The following PRKN variants were observed in gnomAD, a reference collection of about 807,000 sequenced individuals.
PRKN encodes parkin RBR E3 ubiquitin protein ligase.
Under a neutral mutation model 59.5 loss-of-function variants are expected in PRKN, and 56 were observed. The ratio of observed to expected loss-of-function variants is 0.94; its 90% CI spans 0.76 to 1.18. The LOEUF is 1.18. Ranked by LOEUF, PRKN falls within the 50% of genes most tolerant of loss-of-function variation. The probability of loss-of-function intolerance (pLI) is 0.00; values close to 1 mark genes in which losing one functional copy is unlikely to be tolerated. For synonymous variants in PRKN, 250 were observed against 222.1 expected (o/e 1.13, Z -1.12); for missense variants, 657 against 596.4 (o/e 1.10, Z -1.06).
chr6:162,050,053 C>T (rs1330581501), intron 5 of PRKN, among the ~76,000 whole-genome samples: 2 of 152,136 alleles, frequency 1.3e-5, no homozygotes, highest in African/African-American at 4.8e-5. Context: ...TATCTTCCTG[C>T]GTTACTAAAC....
At chr6:162,473,976 G>T (rs565950318) in intron 1 of PRKN, among the ~76,000 whole-genome samples, 9 of 152,118 alleles carry the variant, frequency 5.9e-5, no homozygotes, top group African/African-American at 2.2e-4. Context: ...GCTTTCCGGT[G>T]CAACATCCAT....
At chr6:162,543,217 C>G (rs1778992261) in intron 1 of PRKN, among the ~76,000 whole-genome samples, 1 of 152,042 alleles carries the variant, frequency 6.6e-6, no homozygotes, top group African/African-American at 2.4e-5. Context: ...GGACCAGGGC[C>G]AAAAATTGAG....
At chr6:162,321,278 T>C (rs1252687036) in intron 2 of PRKN, among the ~76,000 whole-genome samples, 2 of 151,930 alleles carry the variant, frequency 1.3e-5, no homozygotes, top group African/African-American at 4.8e-5. Context: ...TAGATGAAAT[T>C]TTACAATTCC....
At chr6:161,894,593 G>T (rs531925530) in intron 6 of PRKN, among the ~76,000 whole-genome samples, 1 of 152,236 alleles carries the variant, frequency 6.6e-6, no homozygotes, top group East Asian at 1.9e-4. Context: ...CGTTACTCAT[G>T]CATTTCTCCA....
At chr6:161,903,342 G>A (rs1778008889) in intron 6 of PRKN, among the ~76,000 whole-genome samples, 2 of 152,086 alleles carry the variant, frequency 1.3e-5, no homozygotes, top group South Asian at 4.1e-4. Context: ...TGTTTACCTC[G>A]GAGATCTGCT....
At chr6:162,105,864 T>G (rs751767274) in intron 4 of PRKN, among the ~76,000 whole-genome samples, 1 of 152,230 alleles carries the variant, frequency 6.6e-6, no homozygotes, top group African/African-American at 2.4e-5. Flanking sequence ...TGATATCTCC[T>G]ATAAACTCTG....
chr6:161,631,165 G>T (rs1295564448), intron 7 of PRKN, among the ~76,000 whole-genome samples: 2 of 152,174 alleles, frequency 1.3e-5, no homozygotes, highest in Non-Finnish European at 2.9e-5. Context: ...GCAGACAGGA[G>T]TGCCCACCAT....
intron 7 of PRKN, among the ~76,000 whole-genome samples, chr6:161,645,420 T>C (rs887459356): frequency 2.6e-5 from 4 of 152,218 alleles, no homozygotes; most frequent in African/African-American, 7.2e-5. Context: ...CATTTAATCA[T>C]TGGGATAAAT....
chr6:162,461,525 A>AAAAAG, intron 1 of PRKN, among the ~76,000 whole-genome samples: 1 of 147,514 alleles, frequency 6.8e-6, no homozygotes, highest in African/African-American at 2.5e-5. Context: ...AAAAAAAAAA[A>AAAAAG]AAAGAAAGAA....
At chr6:161,486,598 T>A (rs935740850) in intron 9 of PRKN, among the ~76,000 whole-genome samples, 4 of 152,214 alleles carry the variant, frequency 2.6e-5, no homozygotes, top group Non-Finnish European at 1.5e-5. Flanking sequence ...AAGCCTGCGT[T>A]CTTTTTGGTT....
chr6:161,869,405 T>C (rs530396531), intron 6 of PRKN, among the ~76,000 whole-genome samples: 1 of 147,312 alleles, frequency 6.8e-6, no homozygotes, highest in African/African-American at 2.7e-5. Flanking sequence ...TAAAATAAAA[T>C]AAAATAAAAG....
chr6:162,666,220 A>C (rs1455446027), intron 1 of PRKN, among the ~76,000 whole-genome samples: 1 of 152,150 alleles, frequency 6.6e-6, no homozygotes, highest in East Asian at 1.9e-4. Flanking sequence ...ATCATGTGAG[A>C]TACACTGTGG....
intron 1 of PRKN, among the ~76,000 whole-genome samples, chr6:162,622,883 T>C (rs906649216): frequency 2.6e-5 from 4 of 152,136 alleles, no homozygotes; most frequent in Non-Finnish European, 5.9e-5. Flanking sequence ...TGAACCTCCC[T>C]TTTTTACACG....
At chr6:161,572,411 CA>C (rs1315853396) in intron 7 of PRKN, among the ~76,000 whole-genome samples, 1 of 151,952 alleles carries the variant, frequency 6.6e-6, no homozygotes, top group Admixed American at 6.6e-5. Context: ...CCTGTAATCC[CA>C]GGACTTTGGG....
intron 4 of PRKN, among the ~76,000 whole-genome samples, chr6:162,199,753 A>C (rs1784641720): frequency 6.6e-6 from 1 of 152,172 alleles, no homozygotes; most frequent in South Asian, 2.1e-4. Flanking sequence ...AATGTTCATC[A>C]AAGTGAAACA....
chr6:162,176,803 C>T lies in PRKN; in HGVS notation c.534+24328G>A, dbSNP rs141754932. Among the ~76,000 whole-genome samples the T allele has an allele frequency of 1.2e-3, 189 of 152,234 alleles. 3 individuals are homozygous for T. The highest frequency in any genetic ancestry group is 4.3e-3 in the African/African-American group (179 of 41,562). On this transcript the variant is annotated intron_variant, in intron 4 of 11. Transcript: ENST00000366898. Reference sequence around the variant, plus strand: ...CTATCTGCCATAAATACGGCTTACACTGTGATTTGAAAACCCTACCTAATG... The same window carrying T: ...CTATCTGCCATAAATACGGCTTACATTGTGATTTGAAAACCCTACCTAATG...
intron 7 of PRKN, among the ~76,000 whole-genome samples, chr6:161,729,486 G>C (rs1003370829): frequency 6.6e-5 from 10 of 152,156 alleles, no homozygotes; most frequent in African/African-American, 2.4e-4. Context: ...TCTTCAGGTA[G>C]AGGAATAATC....
chr6:161,931,535 T>C (rs1232769332), intron 6 of PRKN, among the ~76,000 whole-genome samples: 1 of 152,108 alleles, frequency 6.6e-6, no homozygotes, highest in Non-Finnish European at 1.5e-5. Flanking sequence ...GCCTCCAAAA[T>C]TGTAAAAAGT....
chr6:162,624,975 A>C (rs1425239732), intron 1 of PRKN, among the ~76,000 whole-genome samples: 1 of 152,210 alleles, frequency 6.6e-6, no homozygotes, highest in East Asian at 1.9e-4. Context: ...ACCATCTGCT[A>C]CCACTTCCTA....
Sources: gnomAD v4.1 joint callset for allele counts (sites outside exome capture counted in the v4.1 genomes callset) on GRCh38, gnomAD v4.1.1 for gene constraint, MANE v1.5 for transcripts, NCBI Gene and HGNC (gene_info 2026-07-23, HGNC 2026-07-21) for gene names.